DNAH12: variants seen among roughly 807,000 people sequenced by gnomAD.
DNAH12 encodes the protein dynein axonemal heavy chain 12.
A neutral mutation model predicts 371.5 loss-of-function variants in DNAH12; 285 were observed. That is an observed-to-expected ratio of 0.77 (90% CI 0.70 to 0.85). DNAH12 has a LOEUF of 0.85. DNAH12 is among the 40% of genes least tolerant of loss of function. The probability of loss-of-function intolerance (pLI) is 0.00; values close to 1 mark genes in which losing one functional copy is unlikely to be tolerated. For synonymous variants in DNAH12, 1,200 were observed against 1,213.0 expected (o/e 0.99, Z 0.22); for missense variants, 3,611 against 3,689.4 (o/e 0.98, Z 0.55).
rs2065509897 is a variant in DNAH12, at chr3:57,446,684, A to G, written c.3792T>C (p.Gly1264=). The G allele has an allele frequency of 1.3e-6, 2 of 1,493,484 alleles. No individual in the cohort carries two copies. Among genetic ancestry groups the G allele is most frequent in the Non-Finnish European group, 8.9e-7 (1 of 1,119,502 alleles). The allele number at this position is 1,493,484 out of a possible 1,614,324, so 92.5% of individuals were successfully genotyped here. Residue 1264 remains glycine (G), a synonymous_variant, in exon 26 of 74, where the codon GGT becomes GGC. Transcript: ENST00000495027. ...LTDRCYRTLI[G]AFYLNLGGAP... ...CACCTCCAAGGTTTAAATAGAAAGC[A>G]CCTATCTGAAATGAAAAACACATGT...
Position 57,334,828 on chromosome 3 carries a change from C to T in DNAH12, c.9787G>A (p.Glu3263Lys). ...DPTWLQDKSW[E>K]EICRASEFPA... ...AATTCACTTGCCCGACAGATTTCCT[C>T]CCAGCTTTTGTCCTGTAGCCAAGTT... The change falls in exon 61 of 74, where the codon GAG (glutamate) becomes AAG (lysine). Residue 3263 changes from glutamate to lysine, a missense_variant. By Grantham distance (56) the Glu-to-Lys change is moderately conservative (BLOSUM62 1). Transcript: ENST00000495027. 6.4e-7 allele frequency: 1 copy of T among 1,551,984 alleles called. No individual in the cohort carries two copies. Among genetic ancestry groups the T allele is most frequent in the Non-Finnish European group, 8.7e-7 (1 of 1,147,074 alleles).
chr3:57,333,693 T>C (rs1456566933), intron 62 of DNAH12, among the ~76,000 whole-genome samples: 1 of 152,184 alleles, frequency 6.6e-6, no homozygotes, highest in Non-Finnish European at 1.5e-5. Flanking sequence ...AAAGACATCG[T>C]GGGGCTGGAT....
intron 55 of DNAH12, among the ~76,000 whole-genome samples, chr3:57,369,983 A>G (rs1248073530): frequency 6.6e-6 from 1 of 152,200 alleles, no homozygotes; most frequent in African/African-American, 2.4e-5. Flanking sequence ...TGTCCATCAT[A>G]GAAATAAGGC....
intron 60 of DNAH12, among the ~76,000 whole-genome samples, chr3:57,336,310 G>C (rs1553653686): frequency 6.6e-6 from 1 of 152,158 alleles, no homozygotes; most frequent in Non-Finnish European, 1.5e-5. Flanking sequence ...ATGTAGATGT[G>C]AAAGAGATAA....
Position 57,516,378 on chromosome 3 carries a change from T to G in DNAH12, c.280-5399A>C, listed in dbSNP as rs1317156839. 4.6e-5 allele frequency among the ~76,000 whole-genome samples: 7 copies of G among 152,130 alleles called. No individual in the cohort carries two copies. The East Asian group carries it at 1.3e-3, about 29-fold the overall frequency. On this transcript the variant is annotated intron_variant, in intron 4 of 73. Transcript: ENST00000495027. ...TGCCCGGCCCATGTACTGCCTAATCTTAAAATTCTTGTGTGATAGTCCCCA... is the reference window on the plus strand; with the variant it reads ...TGCCCGGCCCATGTACTGCCTAATCGTAAAATTCTTGTGTGATAGTCCCCA...
At chr3:57,412,485 G>A (rs1443979681) in intron 39 of DNAH12, among the ~76,000 whole-genome samples, 1 of 152,102 alleles carries the variant, frequency 6.6e-6, no homozygotes, top group Non-Finnish European at 1.5e-5. Flanking sequence ...CAAAGACAAT[G>A]TCAAGAGAAT....
chr3:57,550,586 C>T, the DNAH12 span, among the ~76,000 whole-genome samples: 1 of 152,080 alleles, frequency 6.6e-6, no homozygotes, highest in Admixed American at 6.5e-5. Context: ...AATCTTGGCT[C>T]ACTGCAACTT....
chr3:57,498,421 A>T lies in DNAH12; in HGVS notation c.1335+2900T>A, dbSNP rs557738323. 2.2e-4 allele frequency: 156 copies of T among 701,892 alleles called. 1 individual carries two copies. The South Asian group carries it at 2.3e-3, about 10-fold the overall frequency. The allele number at this position is 701,892 out of a possible 1,614,324, so 43.5% of individuals were successfully genotyped here. On this transcript the variant is annotated intron_variant, in intron 11 of 73. Transcript: ENST00000495027. ...AGACTCGAACTCCTAGGCTCCAGTA[A>T]TCCTTTCACCTCAGCCTCCTGAGTA...
intron 1 of DNAH12, 65 bp downstream of exon 1, chr3:57,544,132 G>A (rs1008526551): frequency 2.0e-5 from 3 of 152,250 alleles, no homozygotes; most frequent in Non-Finnish European, 4.4e-5. Flanking sequence ...GAGTGTTTAA[G>A]TTGGCACCCA....
At chr3:57,530,055 T>G (rs761759192) in intron 2 of DNAH12, among the ~76,000 whole-genome samples, 14 of 152,110 alleles carry the variant, frequency 9.2e-5, no homozygotes, top group Non-Finnish European at 1.5e-5. Flanking sequence ...AAAATTCCTC[T>G]TGTTATTGAT....
chr3:57,308,644 G>GTT (rs2061520734), intron 69 of DNAH12, among the ~76,000 whole-genome samples: 1 of 152,046 alleles, frequency 6.6e-6, no homozygotes, highest in South Asian at 2.1e-4. Flanking sequence ...TACACTGCCG[G>GTT]TTTACACTGT....
intron 4 of DNAH12, among the ~76,000 whole-genome samples, chr3:57,523,326 TGACCCGA>T (rs1338558687): frequency 6.6e-6 from 1 of 152,108 alleles, no homozygotes; most frequent in African/African-American, 2.4e-5. Context: ...GGGGCTGCAG[TGACCCGA>T]GATCGCACCA....
intron 33 of DNAH12, among the ~76,000 whole-genome samples, chr3:57,429,391 G>A (rs1286994898): frequency 1.3e-5 from 2 of 152,072 alleles, no homozygotes; most frequent in African/African-American, 4.8e-5. Context: ...GGTCAGGCTG[G>A]TCTTGAACTT....
chr3:57,445,058 T>A (rs2153370164), intron 28 of DNAH12, 116 bp downstream of exon 28: 1 of 1,272,138 alleles, frequency 7.9e-7, no homozygotes. Context: ...TTTCAACCTC[T>A]TATGAAAAGA....
chr3:57,323,984 GT>G (rs2061872098), intron 62 of DNAH12, among the ~76,000 whole-genome samples: 1 of 152,218 alleles, frequency 6.6e-6, no homozygotes, highest in East Asian at 1.9e-4. Context: ...TGCAGGTAAT[GT>G]GGCCATGTGA....
intron 25 of DNAH12, among the ~76,000 whole-genome samples, chr3:57,451,745 G>A (rs2065762968): frequency 6.6e-6 from 1 of 152,204 alleles, no homozygotes; most frequent in African/African-American, 2.4e-5. Flanking sequence ...AGTGTCCGGT[G>A]ACCATCAGGT....
chr3:57,308,932 A>G (rs1300648032), intron 69 of DNAH12, among the ~76,000 whole-genome samples: 1 of 151,376 alleles, frequency 6.6e-6, no homozygotes, highest in Non-Finnish European at 1.5e-5. Flanking sequence ...CTACAATATC[A>G]CCCCTTACCA....
chr3:57,366,487 G>T (rs2063055139), intron 57 of DNAH12, among the ~76,000 whole-genome samples: 1 of 152,038 alleles, frequency 6.6e-6, no homozygotes, highest in Non-Finnish European at 1.5e-5. Context: ...GTCTGGATCG[G>T]GATCCCTTTC....
chr3:57,510,673 G>A (rs552659694), intron 5 of DNAH12, 117 bp downstream of exon 5: 33 of 881,878 alleles, frequency 3.7e-5, no homozygotes, highest in East Asian at 8.3e-5. Flanking sequence ...AAAAAAACCA[G>A]ATATAGTTTA....
Sources: gnomAD v4.1 joint callset for allele counts (sites outside exome capture counted in the v4.1 genomes callset) on GRCh38, gnomAD v4.1.1 for gene constraint, MANE v1.5 for transcripts, NCBI Gene and HGNC (gene_info 2026-07-23, HGNC 2026-07-21) for gene names.